The following NFASC variants were observed in gnomAD, a reference collection of about 807,000 sequenced individuals.
NFASC encodes neurofascin homolog.
Under a neutral mutation model 147.5 loss-of-function variants are expected in NFASC, and 43 were observed. That is an observed-to-expected ratio of 0.29 (90% confidence interval 0.23 to 0.38). The LOEUF (loss-of-function observed/expected upper bound fraction) is 0.38. NFASC is among the 10% of genes least tolerant of loss of function. The pLI is 1.00. For synonymous variants in NFASC, 622 were observed against 665.5 expected (o/e 0.93, Z 1.01); for missense variants, 1,320 against 1,689.0 (o/e 0.78, Z 3.83).
rs1182385590 is a variant in NFASC at position 204,828,765 on chromosome 1, G to A, written c.-217G>A. 1 of 985,322 alleles carries A rather than the reference G, an allele frequency of 1.0e-6. No individual in the cohort carries two copies. Among genetic ancestry groups the A allele is most frequent in the Non-Finnish European group, 1.2e-6 (1 of 830,010 alleles). 61.0% of individuals were successfully genotyped at this position (985,322 alleles called of 1,614,324 possible). A position where few individuals can be genotyped will look rare whatever the true frequency, so the allele number is the denominator to read the frequency against. On this transcript the variant is annotated 5_prime_UTR_variant, in exon 1 of 30. Coordinates refer to ENST00000339876, the MANE Select transcript of NFASC (RefSeq NM_001005388.3). ...ACAGCTCGGACAGCGCCCAGGGCCG[G>A]AGCCCGAGCCCTTGGAGGTAGGCGA...
In NFASC at chr1:205,022,443, T is replaced by C. The variant is rs1189420268; in HGVS notation, c.*5904T>C. 6.6e-6 allele frequency: 1 copy of C among 152,518 alleles called. No individual in the cohort carries two copies. The highest frequency in any genetic ancestry group is 2.4e-5 in the African/African-American group (1 of 41,416). The allele number at this position is 152,518 out of a possible 1,614,324, so 9.4% of individuals were successfully genotyped here. ...ATTTGTTCTTTCCCGTGGGGAATTTTTTTTCCCAGCGTCTCCATCCCTTCC... is the reference window on the plus strand; with the variant it reads ...ATTTGTTCTTTCCCGTGGGGAATTTCTTTTCCCAGCGTCTCCATCCCTTCC... On this transcript the variant is annotated 3_prime_UTR_variant, in exon 30 of 30. Transcript: ENST00000339876.
chr1:204,987,384 C>A lies in NFASC; in HGVS notation c.2471-34C>A, dbSNP rs771802696. On this transcript the variant is annotated intron_variant, in intron 21 of 29. Transcript: ENST00000339876. This position sits in a 1 kb window ranked among gnomAD's most constrained non-coding sequence, Gnocchi z 4.4. ...TTCCTCATCCTCCCTGCCCCCTCCC[C>A]CTCATCTCCCCTGCTCTCTCCTCCT... The A allele has an allele frequency of 2.2e-5, 35 of 1,604,104 alleles. No homozygotes were observed. The highest frequency in any genetic ancestry group is 2.7e-5 in the Non-Finnish European group (32 of 1,173,688).
intron 12 of NFASC, among the ~76,000 whole-genome samples, chr1:204,973,690 A>G (rs2095324383): frequency 6.6e-6 from 1 of 152,194 alleles, no homozygotes; most frequent in Non-Finnish European, 1.5e-5. Flanking sequence ...CTGGATGAGC[A>G]GACAGTTAAT....
Position 204,877,068 on chromosome 1 carries a change from T to TTATATATATATAATATATTTATTTA in NFASC, c.-199-43558_-199-43534dup, listed in dbSNP as rs1558550228. 1.1e-3 allele frequency among the ~76,000 whole-genome samples: 106 copies of TTATATATATATAATATATTTATTTA among 93,730 alleles called. 6 individuals are homozygous for TTATATATATATAATATATTTATTTA. The highest frequency in any genetic ancestry group is 5.4e-3 in the African/African-American group (104 of 19,212). 61.5% of individuals were successfully genotyped at this position (93,730 alleles called of 152,430 possible). A position where few individuals can be genotyped will look rare whatever the true frequency, so the allele number is the denominator to read the frequency against. On this transcript the variant is annotated intron_variant, in intron 1 of 29. Transcript: ENST00000339876. ...ATATATAATATATTTATTTATATAT[T>TTATATATATATAATATATTTATTTA]TATATATATATAATATATTTATTTA...
intron 1 of NFASC, among the ~76,000 whole-genome samples, chr1:204,843,798 G>A (rs1385168889): frequency 6.6e-6 from 1 of 151,882 alleles, no homozygotes; most frequent in Non-Finnish European, 1.5e-5. Context: ...TGCAACCCCT[G>A]CCTCCTGGGT....
intron 1 of NFASC, among the ~76,000 whole-genome samples, chr1:204,889,217 C>T (rs1285899368): frequency 6.6e-6 from 1 of 152,178 alleles, no homozygotes; most frequent in Admixed American, 6.5e-5. Context: ...TAAAATGATA[C>T]AATATTCTTT....
At chr1:204,983,687 T>A (rs1297989548) in intron 21 of NFASC, among the ~76,000 whole-genome samples, 1 of 152,156 alleles carries the variant, frequency 6.6e-6, no homozygotes, top group Non-Finnish European at 1.5e-5. Flanking sequence ...GGAACCCCGC[T>A]GATAAGGTCC....
chr1:204,996,573 A>G (rs1338043711), intron 24 of NFASC, among the ~76,000 whole-genome samples: 6 of 152,224 alleles, frequency 3.9e-5, no homozygotes, highest in Non-Finnish European at 8.8e-5. Flanking sequence ...GGGCGAGGGC[A>G]GGCAGAACGC....
intron 2 of NFASC, among the ~76,000 whole-genome samples, chr1:204,936,128 G>A (rs1417164637): frequency 6.6e-6 from 1 of 151,236 alleles, no homozygotes; most frequent in Non-Finnish European, 1.5e-5. Flanking sequence ...AGTCATTTTC[G>A]GAAAACCCAC....
intron 16 of NFASC, chr1:204,977,128 C>T (rs2095423517): frequency 8.6e-7 from 1 of 1,160,978 alleles, no homozygotes; most frequent in African/African-American, 1.6e-5. Context: ...TCAATTAAAA[C>T]AATCCATCCT....
chr1:204,838,857 C>T (rs190756307), intron 1 of NFASC, among the ~76,000 whole-genome samples: 64 of 152,260 alleles, frequency 4.2e-4, no homozygotes, highest in Non-Finnish European at 7.9e-4. Flanking sequence ...GCCATTTTTG[C>T]CCCAAGGAAG....
chr1:204,846,943 G>T (rs2075208775), intron 1 of NFASC, among the ~76,000 whole-genome samples: 1 of 148,200 alleles, frequency 6.7e-6, no homozygotes, highest in African/African-American at 2.6e-5. Context: ...CTGCCTGTGT[G>T]TGTGTACGCG....
At chr1:204,929,683 G>A (rs1451969283) in intron 2 of NFASC, among the ~76,000 whole-genome samples, 1 of 152,026 alleles carries the variant, frequency 6.6e-6, no homozygotes, top group South Asian at 2.1e-4. Context: ...TCTGTGGCAG[G>A]TGCTCCCTGG....
At position 204,876,864 on chromosome 1, in the gene NFASC, G is replaced by A. The variant is rs1380896095; in HGVS notation, c.-199-43768G>A. Among the ~76,000 whole-genome samples, 7 of 151,172 alleles carry A rather than the reference G, an allele frequency of 4.6e-5. No homozygotes were observed. The Admixed American group carries it at 4.6e-4, about 10-fold the overall frequency. Reference sequence around the variant, plus strand: ...GGGACTCATAAATGTGGAGAGGAGAGCTTTGTTTTTTATAAAGATTTGCAG... The same window carrying A: ...GGGACTCATAAATGTGGAGAGGAGAACTTTGTTTTTTATAAAGATTTGCAG... On this transcript the variant is annotated intron_variant, in intron 1 of 29. Coordinates refer to ENST00000339876, the MANE Select transcript of NFASC (RefSeq NM_001005388.3).
intron 2 of NFASC, among the ~76,000 whole-genome samples, chr1:204,938,023 G>C (rs1247498783): frequency 6.6e-6 from 1 of 152,306 alleles, no homozygotes; most frequent in Non-Finnish European, 1.5e-5. Context: ...ATGTCTCGAC[G>C]CTGCCAGTCT....
chr1:205,011,939 C>T (rs138383776), intron 28 of NFASC, among the ~76,000 whole-genome samples: 6 of 152,242 alleles, frequency 3.9e-5, no homozygotes, highest in South Asian at 2.1e-4. Flanking sequence ...ATGAGCCAGG[C>T]GCGGTGGCAG....
intron 2 of NFASC, among the ~76,000 whole-genome samples, chr1:204,930,739 G>C (rs1038976061): frequency 1.3e-5 from 2 of 152,200 alleles, no homozygotes; most frequent in African/African-American, 4.8e-5. Context: ...TTAGGGCCTT[G>C]GCAAAAAGGG....
chr1:204,985,782 G>C, intron 21 of NFASC: 1 of 655,334 alleles, frequency 1.5e-6, no homozygotes, highest in Non-Finnish European at 2.8e-6. Flanking sequence ...GCCTGGATAG[G>C]ACTGATGAGG....
At position 204,966,902 on chromosome 1, in the gene NFASC, G is replaced by A. The variant is rs144024744; in HGVS notation, c.707-1347G>A. On this transcript the variant is annotated intron_variant, in intron 8 of 29. Transcript: ENST00000339876. The stretch of plus-strand genomic sequence containing the variant: ...CTATGAATTGCACTCCACCAGTGCC[G>A]AGGGAGAGAGTTGAGTGCCCCAGAA... Among the ~76,000 whole-genome samples the A allele has an allele frequency of 1.6e-4, 24 of 152,248 alleles. No individual in the cohort carries two copies. In the East Asian group the frequency reaches 3.9e-3, roughly 25 times the overall value.
Sources: gnomAD v4.1 joint callset for allele counts (sites outside exome capture counted in the v4.1 genomes callset) on GRCh38, gnomAD v4.1.1 for gene constraint, Gnocchi (gnomAD v3.1) non-coding constraint, MANE v1.5 for transcripts, NCBI Gene and HGNC (gene_info 2026-07-23, HGNC 2026-07-21) for gene names.